STXBP5L: variants seen among roughly 807,000 people sequenced by gnomAD.
The protein encoded by STXBP5L is syntaxin binding protein 5L.
Under a neutral mutation model 144.5 loss-of-function variants are expected in STXBP5L, and 65 were observed. The observed-to-expected ratio is 0.45, with a 90% CI of 0.37 to 0.55. STXBP5L has a LOEUF of 0.55. Among genes scored for constraint, STXBP5L ranks in the 20% least tolerant of loss-of-function variants. The pLI is 0.00. For missense variants in STXBP5L, 1,298 were observed against 1,405.5 expected, an observed-to-expected ratio of 0.92 and a Z score of 1.22; for synonymous variants, 505 against 469.6, an observed-to-expected ratio of 1.08 and a Z score of -0.97.
At chr3:121,356,901 CA>C (rs1164365915) in intron 20 of STXBP5L, 2 of 154,126 alleles carry the variant, frequency 1.3e-5, no homozygotes, top group African/African-American at 4.8e-5. Context: ...AGAGCCCATT[CA>C]AGGGACTGGT....
At chr3:120,999,628 G>GT (rs547377804) in intron 3 of STXBP5L, among the ~76,000 whole-genome samples, 61 of 150,708 alleles carry the variant, frequency 4.0e-4, no homozygotes, top group African/African-American at 7.8e-4. Context: ...GTTAGCTGGG[G>GT]TTTTTTTTTG....
rs564339331 is a variant in STXBP5L at position 121,095,578 on chromosome 3, C to G, written c.471-19347C>G. On this transcript the variant is annotated intron_variant, in intron 5 of 26. Coordinates refer to ENST00000471454, the MANE Select transcript of STXBP5L (RefSeq NM_001308330.2). ...TAACCTTTCTTCCAGCTGATCGAAT[C>G]GGCTACTGAAGCTTGTGCATTCATC... 2.6e-5 allele frequency among the ~76,000 whole-genome samples: 4 copies of G among 152,286 alleles called. No homozygotes were observed. In the East Asian group the frequency reaches 7.7e-4, roughly 29 times the overall value.
intron 5 of STXBP5L, among the ~76,000 whole-genome samples, chr3:121,112,882 G>T (rs2044057037): frequency 6.6e-6 from 1 of 152,020 alleles, no homozygotes. Context: ...TCATATATTA[G>T]AGCTAGCAAA....
intron 2 of STXBP5L, among the ~76,000 whole-genome samples, chr3:120,916,133 T>C (rs750363577): frequency 4.6e-5 from 7 of 152,158 alleles, no homozygotes; most frequent in Non-Finnish European, 1.5e-5. Flanking sequence ...GAAAGAAGAA[T>C]ATGATTTGAG....
intron 4 of STXBP5L, among the ~76,000 whole-genome samples, chr3:121,044,058 CAA>C (rs1947341281): frequency 6.6e-6 from 1 of 151,988 alleles, no homozygotes; most frequent in Non-Finnish European, 1.5e-5. Context: ...AACAGGCAAA[CAA>C]ACACAAAAAT....
intron 2 of STXBP5L, among the ~76,000 whole-genome samples, chr3:120,950,690 G>A (rs568943861): frequency 2.6e-5 from 4 of 152,224 alleles, no homozygotes; most frequent in Non-Finnish European, 5.9e-5. Context: ...CCATGCTCAT[G>A]GGTAGGAAGA....
At chr3:121,416,078 C>A (rs369305135) in intron 25 of STXBP5L, 110 bp downstream of exon 25, 4 of 774,206 alleles carry the variant, frequency 5.2e-6, no homozygotes, top group African/African-American at 3.5e-5. Context: ...TTCTAGACTA[C>A]GTATTTTTTG....
At chr3:120,928,657 T>A (rs1475464296) in intron 2 of STXBP5L, among the ~76,000 whole-genome samples, 1 of 151,764 alleles carries the variant, frequency 6.6e-6, no homozygotes, top group African/African-American at 2.4e-5. Flanking sequence ...TGTGTGTGTG[T>A]GTGTGTGTGT....
intron 7 of STXBP5L, among the ~76,000 whole-genome samples, chr3:121,141,894 T>C (rs927186704): frequency 6.6e-6 from 1 of 152,094 alleles, no homozygotes; most frequent in Admixed American, 6.6e-5. Flanking sequence ...TGGCAAATCA[T>C]TCCCTGTCAA....
intron 7 of STXBP5L, among the ~76,000 whole-genome samples, chr3:121,133,612 G>A (rs994240884): frequency 2.6e-5 from 4 of 152,170 alleles, no homozygotes; most frequent in Non-Finnish European, 4.4e-5. Flanking sequence ...CACTAGATTT[G>A]ACTCGCAAGA....
intron 22 of STXBP5L, among the ~76,000 whole-genome samples, chr3:121,392,608 C>T (rs976166617): frequency 6.6e-6 from 1 of 151,914 alleles, no homozygotes; most frequent in Non-Finnish European, 1.5e-5. Flanking sequence ...CTTCCATTCC[C>T]CAGCTCCACC....
In STXBP5L at chr3:121,339,053, C is replaced by T. The variant is rs770547137; in HGVS notation, c.2176+20513C>T. Among the ~76,000 whole-genome samples the T allele has an allele frequency of 2.6e-5, 4 of 152,086 alleles. 1 individual carries two copies. Among genetic ancestry groups the T allele is most frequent in the Admixed American group, 2.6e-4 (4 of 15,254 alleles). On this transcript the variant is annotated intron_variant, in intron 20 of 26. Coordinates refer to ENST00000471454, the MANE Select transcript of STXBP5L (RefSeq NM_001308330.2). ...TCCTTCCTAACTCATTCTATGAAGC[C>T]AGTATCACCTTGATACCAAAGCCAG...
Position 121,339,586 on chromosome 3 carries a change from G to A in STXBP5L, c.2176+21046G>A, listed in dbSNP as rs2044632314. Among the ~76,000 whole-genome samples the A allele has an allele frequency of 2.0e-5, 3 of 151,806 alleles. No homozygotes were observed. The South Asian group carries it at 6.2e-4, about 31-fold the overall frequency. On this transcript the variant is annotated intron_variant, in intron 20 of 26. Coordinates refer to ENST00000471454, the MANE Select transcript of STXBP5L (RefSeq NM_001308330.2). ...AGGCCAATCAGTCAAGAGAAAGAAA[G>A]GAATTCCAAATCAGAAAAGAGGAAG...
chr3:121,163,031 G>C (rs2046376609), intron 9 of STXBP5L, among the ~76,000 whole-genome samples: 1 of 152,146 alleles, frequency 6.6e-6, no homozygotes, highest in Non-Finnish European at 1.5e-5. Flanking sequence ...CAAGAATCTA[G>C]AACCAGAAAT....
chr3:120,965,420 G>T (rs1939444896), intron 3 of STXBP5L, among the ~76,000 whole-genome samples: 1 of 152,136 alleles, frequency 6.6e-6, no homozygotes, highest in African/African-American at 2.4e-5. Context: ...GATACTGGTT[G>T]TTTCTTTCTA....
rs188977425 is a variant in STXBP5L, at chr3:121,249,316, C to T, written c.1401-1407C>T. 3.9e-5 allele frequency among the ~76,000 whole-genome samples: 6 copies of T among 152,144 alleles called. No homozygotes were observed. The South Asian group carries it at 6.2e-4, about 16-fold the overall frequency. On this transcript the variant is annotated intron_variant, in intron 14 of 26. Coordinates refer to ENST00000471454, the MANE Select transcript of STXBP5L (RefSeq NM_001308330.2). ...TGAATTTATATGCCATTTAGGGGAA[C>T]AAACATCTAATAAGTCATACAATTA...
chr3:121,054,366 A>T (rs1340283403), intron 5 of STXBP5L, among the ~76,000 whole-genome samples: 2 of 152,182 alleles, frequency 1.3e-5, no homozygotes, highest in African/African-American at 4.8e-5. Flanking sequence ...GATAGACTGG[A>T]TGAAGAAAAT....
At chr3:121,154,117 G>A (rs891824987) in intron 8 of STXBP5L, among the ~76,000 whole-genome samples, 1 of 151,672 alleles carries the variant, frequency 6.6e-6, no homozygotes, top group African/African-American at 2.4e-5. Context: ...AAATTTCAGT[G>A]AAATTTTAAA....
At chr3:121,370,286 T>C (rs138649817) in intron 20 of STXBP5L, among the ~76,000 whole-genome samples, 1 of 152,282 alleles carries the variant, frequency 6.6e-6, no homozygotes, top group East Asian at 1.9e-4. Context: ...GAGAATCACT[T>C]GAACCCAGGA....
Sources: allele counts gnomAD v4.1 joint callset (sites outside exome capture counted in the v4.1 genomes callset), GRCh38; gene constraint gnomAD v4.1.1; transcripts MANE v1.5; gene names NCBI Gene and HGNC (gene_info 2026-07-23, HGNC 2026-07-21).